Variants in CFAP61 observed in about 807,000 individuals in gnomAD.
CFAP61 encodes the protein cilia and flagella associated protein 61.
In CFAP61, 107 loss-of-function variants were observed where a neutral mutation model predicts 135.6. The ratio of observed to expected loss-of-function variants is 0.79; its 90% CI spans 0.67 to 0.93. The LOEUF (loss-of-function observed/expected upper bound fraction) is 0.93, where lower values mean the gene tolerates loss of function less well. Among genes scored for constraint, CFAP61 ranks in the 40% least tolerant of loss-of-function variants. CFAP61 has a pLI of 0.00. For synonymous variants in CFAP61, 575 were observed against 578.5 expected (o/e 0.99, Z 0.09); for missense variants, 1,507 against 1,556.2 (o/e 0.97, Z 0.53).
chr20:20,076,498 C>A (rs1412258994), intron 6 of CFAP61, among the ~76,000 whole-genome samples: 1 of 152,120 alleles, frequency 6.6e-6, no homozygotes, highest in Non-Finnish European at 1.5e-5. Flanking sequence ...ACATGACAGA[C>A]CCCAAGTGAG....
At chr20:20,248,808 A>G (rs968387612) in intron 19 of CFAP61, among the ~76,000 whole-genome samples, 6 of 152,186 alleles carry the variant, frequency 3.9e-5, no homozygotes, top group Admixed American at 1.3e-4. Flanking sequence ...GCTTTTGACC[A>G]CAAGGTTGGG....
intron 13 of CFAP61, among the ~76,000 whole-genome samples, chr20:20,187,360 T>C (rs974282218): frequency 6.6e-6 from 1 of 152,142 alleles, no homozygotes; most frequent in African/African-American, 2.4e-5. Flanking sequence ...GAGAAAACCA[T>C]CATGGAGAGA....
chr20:20,126,854 A>G (rs1041697640), intron 8 of CFAP61, among the ~76,000 whole-genome samples: 2 of 151,828 alleles, frequency 1.3e-5, no homozygotes, highest in African/African-American at 4.9e-5. Context: ...AATACTGATT[A>G]TTCTTAGGTT....
intron 1 of CFAP61, 123 bp downstream of exon 1, chr20:20,052,714 CG>C: frequency 6.2e-7 from 1 of 1,608,796 alleles, no homozygotes; most frequent in Non-Finnish European, 8.5e-7. Context: ...TCTGTCGAGC[CG>C]TGGCGCCCTG....
chr20:20,159,315 T>C (rs2053207498), intron 9 of CFAP61, 55 bp from the exon 10 acceptor site: 11 of 1,564,008 alleles, frequency 7.0e-6, no homozygotes, highest in Non-Finnish European at 9.7e-6. Context: ...GAGCTTGGAC[T>C]CTAAACCACT....
chr20:20,145,929 G>A (rs966964717), intron 9 of CFAP61, among the ~76,000 whole-genome samples: 1 of 152,180 alleles, frequency 6.6e-6, no homozygotes, highest in Non-Finnish European at 1.5e-5. Flanking sequence ...CTCAATAATT[G>A]ATAGAATAAG....
Position 20,360,244 on chromosome 20 carries a change from A to T in CFAP61, c.3548A>T (p.His1183Leu), listed in dbSNP as rs778864115. ...EDLPSIEQLAHQIEDEEINPT... is the reference protein window; with the variant it reads ...EDLPSIEQLALQIEDEEINPT... ...CTTCCTTCCATAGAGCAGTTAGCCC[A>T]TCAAATAGAAGATGAGGAAATCAAC... The change falls in exon 27 of 27, where the codon CAT becomes CTT. Residue 1183 changes from histidine (H) to leucine (L), a missense_variant. Coordinates refer to ENST00000245957, the MANE Select transcript of CFAP61 (RefSeq NM_015585.4). The T allele has an allele frequency of 6.2e-7, 1 of 1,613,898 alleles. No homozygotes were observed.
chr20:20,182,576 G>GA (rs1432430879), intron 13 of CFAP61, among the ~76,000 whole-genome samples: 1 of 152,202 alleles, frequency 6.6e-6, no homozygotes, highest in African/African-American at 2.4e-5. Flanking sequence ...GCACACAGCA[G>GA]ATGTTTAATA....
intron 25 of CFAP61, among the ~76,000 whole-genome samples, chr20:20,310,352 C>T (rs2056746876): frequency 6.6e-6 from 1 of 152,170 alleles, no homozygotes. Context: ...TAAACTAACC[C>T]TCCACAAAAT....
chr20:20,212,060 TTTTGA>T (rs1157363633), intron 17 of CFAP61, among the ~76,000 whole-genome samples: 1 of 152,178 alleles, frequency 6.6e-6, no homozygotes, highest in Non-Finnish European at 1.5e-5. Context: ...ATCACAAGTC[TTTTGA>T]TTTGTTTGCA....
chr20:20,213,942 A>G (rs1008865003), intron 17 of CFAP61, among the ~76,000 whole-genome samples: 10 of 147,566 alleles, frequency 6.8e-5, no homozygotes, highest in Non-Finnish European at 1.3e-4. Flanking sequence ...GCCCCCTCAT[A>G]TGAAGGCAGA....
At chr20:20,318,201 A>G (rs2057249811) in intron 25 of CFAP61, among the ~76,000 whole-genome samples, 1 of 151,996 alleles carries the variant, frequency 6.6e-6, no homozygotes, top group South Asian at 2.1e-4. Context: ...AACGAATGTG[A>G]CCCCACTCTC....
In CFAP61 at chr20:20,075,298, T is replaced by C. The variant is rs370093815; in HGVS notation, c.439+42T>C. The C allele has an allele frequency of 1.5e-4, 239 of 1,595,726 alleles. 1 individual carries two copies. The African/African-American group carries it at 2.9e-3, about 19-fold the overall frequency. On this transcript the variant is annotated intron_variant, in intron 5 of 26. Transcript: ENST00000245957. ...CACCTCTGGTCCCCGGTAGCAAACA[T>C]TGAAAATTCACTCCCAGAATGGTGC...
At position 20,286,626 on chromosome 20, in the gene CFAP61, T is replaced by A. The variant is rs185965213; in HGVS notation, c.2797-1983T>A. ...ATTACCTCTTCCTATTTGTACCCAATATGTAGTATTCCACTGGCGTTACAG... is the reference window on the plus strand; with the variant it reads ...ATTACCTCTTCCTATTTGTACCCAAAATGTAGTATTCCACTGGCGTTACAG... On this transcript the variant is annotated intron_variant, in intron 22 of 26. Transcript: ENST00000245957. Among the ~76,000 whole-genome samples the A allele has an allele frequency of 3.9e-5, 6 of 152,254 alleles. No individual in the cohort carries two copies. In the South Asian group the frequency reaches 6.2e-4, roughly 16 times the overall value.
chr20:20,245,528 C>T (rs1314075578), intron 18 of CFAP61, among the ~76,000 whole-genome samples: 1 of 152,232 alleles, frequency 6.6e-6, no homozygotes, highest in East Asian at 1.9e-4. Context: ...GGTTACCTCT[C>T]ACCAGGTCCC....
At chr20:20,356,723 CTG>C (rs1256227777) in intron 26 of CFAP61, among the ~76,000 whole-genome samples, 1 of 3,772 alleles carries the variant, frequency 2.7e-4, no homozygotes, top group Non-Finnish European at 5.9e-4. Flanking sequence ...GGTGGTCACA[CTG>C]TGAGGGGAGG....
At chr20:20,354,595 A>G (rs1321722436) in intron 26 of CFAP61, among the ~76,000 whole-genome samples, 1 of 152,180 alleles carries the variant, frequency 6.6e-6, no homozygotes, top group Non-Finnish European at 1.5e-5. Flanking sequence ...CATAAGGGTA[A>G]TGAGGGGAGG....
In CFAP61 at chr20:20,069,434, C is replaced by A. The variant is rs138601060; in HGVS notation, c.144-1420C>A. Among the ~76,000 whole-genome samples the A allele has an allele frequency of 2.9e-3, 435 of 152,256 alleles. 4 individuals carry two copies. Among genetic ancestry groups the A allele is most frequent in the African/African-American group, 0.01 (416 of 41,542 alleles). ...AGCTGGGATTACAGGCATGTACCAC[C>A]ACACCCGGCTAATTTTTATATTTTT... On this transcript the variant is annotated intron_variant, in intron 2 of 26. Transcript: ENST00000245957.
intron 8 of CFAP61, among the ~76,000 whole-genome samples, chr20:20,118,253 G>GTTCCTTCCTTTC (rs1201152599): frequency 3.6e-5 from 5 of 138,532 alleles, no homozygotes; most frequent in South Asian, 2.4e-4. Context: ...TTTGAGGTAT[G>GTTCCTTCCTTTC]TTTCTTTCTT....
Sources: allele counts gnomAD v4.1 joint callset (sites outside exome capture counted in the v4.1 genomes callset), GRCh38; gene constraint gnomAD v4.1.1; transcripts MANE v1.5; gene names NCBI Gene and HGNC (gene_info 2026-07-23, HGNC 2026-07-21).